DSE: variants seen among roughly 807,000 people sequenced by gnomAD.
DSE encodes the protein dermatan-sulfate epimerase.
Under a neutral mutation model 84.4 loss-of-function variants are expected in DSE, and 36 were observed. The observed-to-expected ratio is 0.43, with a 90% CI of 0.33 to 0.56. The LOEUF is 0.56. Ranked by LOEUF, DSE falls within the 20% of genes least tolerant of loss-of-function variation. The probability of loss-of-function intolerance (pLI) is 0.06; values close to 1 mark genes in which losing one functional copy is unlikely to be tolerated. For missense variants in DSE, 862 were observed against 1,169.6 expected (o/e 0.74, Z 3.84); for synonymous variants, 410 against 430.1 (o/e 0.95, Z 0.58).
chr6:116,391,369 G>A (rs555969658), intron 1 of DSE, among the ~76,000 whole-genome samples: 8 of 152,214 alleles, frequency 5.3e-5, no homozygotes, highest in East Asian at 1.9e-4. Flanking sequence ...CTTCAGCAGC[G>A]TGTGCAAATT....
In DSE at chr6:116,408,089, C is replaced by T. The variant is rs149481875; in HGVS notation, c.416+8423C>T. 3.2e-3 allele frequency among the ~76,000 whole-genome samples: 483 copies of T among 152,308 alleles called. 1 individual carries two copies. The highest frequency in any genetic ancestry group is 0.011 in the African/African-American group (456 of 41,560). On this transcript the variant is annotated intron_variant, in intron 2 of 5. Coordinates refer to ENST00000644252, the MANE Select transcript of DSE (RefSeq NM_013352.4). ...CTTCCACCATTACATGTTCTCTAGCCCCTCATCCAACCCAATTCCTATAGT... is the reference window on the plus strand; with the variant it reads ...CTTCCACCATTACATGTTCTCTAGCTCCTCATCCAACCCAATTCCTATAGT...
chr6:116,432,301 G>T (rs549462592), intron 4 of DSE, among the ~76,000 whole-genome samples: 1 of 152,286 alleles, frequency 6.6e-6, no homozygotes, highest in South Asian at 2.1e-4. Context: ...AAGTGGAAAA[G>T]ACAGTATGAA....
Position 116,439,769 on chromosome 6 carries a change from C to T in DSE, c.*2424C>T, listed in dbSNP as rs571828485. The T allele has an allele frequency of 6.6e-6, 1 of 152,174 alleles. No individual in the cohort carries two copies. Among genetic ancestry groups the T allele is most frequent in the Non-Finnish European group, 1.5e-5 (1 of 68,004 alleles). The allele number at this position is 152,174 out of a possible 1,614,324, so 9.4% of individuals were successfully genotyped here. ...GATTGGCAGGACTCTTGGTCCTAGC[C>T]TTAAAGAAAATTTGAGAATCACTAG... On this transcript the variant is annotated 3_prime_UTR_variant, in exon 6 of 6. Transcript: ENST00000644252.
chr6:116,347,044 C>T (rs1026638474), intron 2 of DSE, among the ~76,000 whole-genome samples: 2 of 152,020 alleles, frequency 1.3e-5, no homozygotes, highest in Non-Finnish European at 2.9e-5. Flanking sequence ...AATAAAATAC[C>T]TAGGAATCCA....
chr6:116,432,514 T>C (rs2115084106), intron 4 of DSE: 1 of 152,276 alleles, frequency 6.6e-6, no homozygotes, highest in Admixed American at 6.5e-5. Context: ...TACTAAATTA[T>C]TAGGAACAAA....
chr6:116,432,342 GTTAA>G (rs1296878060), intron 4 of DSE, among the ~76,000 whole-genome samples: 17 of 152,318 alleles, frequency 1.1e-4, no homozygotes, highest in Non-Finnish European at 2.4e-4. Context: ...ATATGTTTGT[GTTAA>G]TTAAACAAAC....
chr6:116,362,695 T>C (rs1778972769), intron 2 of DSE, among the ~76,000 whole-genome samples: 1 of 152,224 alleles, frequency 6.6e-6, no homozygotes, highest in Non-Finnish European at 1.5e-5. Context: ...CCAGGCTGAC[T>C]AATGAATCAG....
chr6:116,398,408 C>T (rs1410610626), intron 1 of DSE, among the ~76,000 whole-genome samples: 1 of 152,058 alleles, frequency 6.6e-6, no homozygotes, highest in East Asian at 1.9e-4. Flanking sequence ...CACCAAAATC[C>T]CATATGCCAA....
At chr6:116,275,106 G>T (rs1261263263) in intron 2 of DSE, among the ~76,000 whole-genome samples, 2 of 152,184 alleles carry the variant, frequency 1.3e-5, no homozygotes, top group East Asian at 3.8e-4. Flanking sequence ...TCAAAATCCA[G>T]TGTGAATTTT....
intron 2 of DSE, among the ~76,000 whole-genome samples, chr6:116,259,592 A>G (rs1177345001): frequency 1.3e-5 from 2 of 152,180 alleles, no homozygotes; most frequent in African/African-American, 2.4e-5. Context: ...AGATTATTTC[A>G]TCACCCAGAT....
intron 1 of DSE, among the ~76,000 whole-genome samples, chr6:116,394,476 C>T (rs941466892): frequency 2.0e-5 from 3 of 151,762 alleles, no homozygotes; most frequent in Non-Finnish European, 4.4e-5. Flanking sequence ...CACTGTGTCA[C>T]CCAGGCTAGA....
In DSE at chr6:116,324,674, G is replaced by A. The variant is rs946209091; in HGVS notation, c.-54+65707G>A. Among the ~76,000 whole-genome samples, 5 of 152,316 alleles carry A rather than the reference G, an allele frequency of 3.3e-5. No individual in the cohort carries two copies. The South Asian group carries it at 6.2e-4, about 19-fold the overall frequency. ...AATGGTAGAACAACCCAGGTGACCC[G>A]GAAGTTCATTATCCCCTCTCATTGG... is the stretch of plus-strand genomic sequence containing the variant. On this transcript the variant is annotated intron_variant, in intron 2 of 3. Coordinates refer to the DSE transcript ENST00000430252.
chr6:116,356,566 T>C (rs1387335671), intron 2 of DSE, among the ~76,000 whole-genome samples: 2 of 152,198 alleles, frequency 1.3e-5, no homozygotes, highest in Non-Finnish European at 2.9e-5. Context: ...CTAGAAGGCA[T>C]AGGTTCCATA....
intron 1 of DSE, among the ~76,000 whole-genome samples, chr6:116,371,730 C>A (rs1189354897): frequency 2.6e-5 from 4 of 152,242 alleles, no homozygotes; most frequent in African/African-American, 9.6e-5. Flanking sequence ...AAACCTCATC[C>A]CCGAGGCAGT....
chr6:116,434,539 T>C (rs1784038244), intron 5 of DSE, among the ~76,000 whole-genome samples: 1 of 152,178 alleles, frequency 6.6e-6, no homozygotes, highest in African/African-American at 2.4e-5. Context: ...AAGTTACTCA[T>C]AAATATTCAA....
chr6:116,395,744 T>C (rs1220954292), intron 1 of DSE, among the ~76,000 whole-genome samples: 1 of 152,210 alleles, frequency 6.6e-6, no homozygotes, highest in African/African-American at 2.4e-5. Flanking sequence ...TGAAACACTC[T>C]TTTCATTTAA....
At chr6:116,308,308 T>C (rs1775466531) in intron 2 of DSE, among the ~76,000 whole-genome samples, 1 of 152,234 alleles carries the variant, frequency 6.6e-6, no homozygotes, top group Admixed American at 6.5e-5. Context: ...TTGTTTTGTT[T>C]TTAAGCTCGG....
Position 116,436,866 on chromosome 6 carries a change from C to T in DSE, c.2398C>T (p.Gln800Ter). The T allele has an allele frequency of 6.2e-7, 1 of 1,614,050 alleles. No individual in the cohort carries two copies. The highest frequency in any genetic ancestry group is 8.5e-7 in the Non-Finnish European group (1 of 1,180,000). The part of the protein sequence containing the change: ...IDRIFAISQQ[Q>*]QQQSKSKKNR... ...CAGGATTTTTGCCATATCACAGCAA[C>T]AGCAGCAGCAAAGCAAGTCAAAGAA... Residue 800 changes from glutamine (Q) to a stop codon, truncating the protein, a stop_gained, in exon 6 of 6, where the codon CAG becomes TAG. Transcript: ENST00000644252. LOFTEE classifies it high-confidence loss of function.
intron 3 of DSE, among the ~76,000 whole-genome samples, chr6:116,429,149 A>G (rs903872984): frequency 6.6e-6 from 1 of 152,244 alleles, no homozygotes; most frequent in South Asian, 2.1e-4. Flanking sequence ...CCAGAATGGT[A>G]GAGAATGGAA....
Sources: gnomAD v4.1 joint callset for allele counts (sites outside exome capture counted in the v4.1 genomes callset) on GRCh38, gnomAD v4.1.1 for gene constraint, MANE v1.5 for transcripts, NCBI Gene and HGNC (gene_info 2026-07-23, HGNC 2026-07-21) for gene names.